Variants in CLSTN2 observed in about 807,000 individuals in gnomAD.
CLSTN2 encodes calsyntenin-2.
CLSTN2 carries 48 observed loss-of-function variants against 101.2 expected under a neutral mutation model. That is an observed-to-expected ratio of 0.47 (90% CI 0.38 to 0.60). The LOEUF (loss-of-function observed/expected upper bound fraction) is 0.60. CLSTN2 is among the 20% of genes least tolerant of loss of function. CLSTN2 has a pLI of 0.00. For synonymous variants in CLSTN2, 481 were observed against 463.6 expected (o/e 1.04, Z -0.48); for missense variants, 1,160 against 1,238.2 (o/e 0.94, Z 0.95).
intron 1 of CLSTN2, among the ~76,000 whole-genome samples, chr3:140,113,035 C>A (rs975701172): frequency 2.0e-5 from 3 of 152,074 alleles, no homozygotes; most frequent in African/African-American, 7.2e-5. Flanking sequence ...TCTGCTGGAG[C>A]CAGTGCCTTC....
intron 1 of CLSTN2, among the ~76,000 whole-genome samples, chr3:140,151,673 G>T (rs2009868977): frequency 1.3e-5 from 2 of 152,054 alleles, no homozygotes; most frequent in South Asian, 4.2e-4. Flanking sequence ...AAGCTTATAA[G>T]CAAATCCTCC....
intron 2 of CLSTN2, among the ~76,000 whole-genome samples, chr3:140,307,617 C>T (rs532292989): frequency 3.9e-5 from 6 of 152,180 alleles, no homozygotes; most frequent in South Asian, 2.1e-4. Flanking sequence ...TTTTTCAGGA[C>T]GTGGCACATA....
Position 140,281,555 on chromosome 3 carries a change from G to A in CLSTN2, c.232+105482G>A, listed in dbSNP as rs2086847775. Among the ~76,000 whole-genome samples, 4 of 152,086 alleles carry A rather than the reference G, an allele frequency of 2.6e-5. No individual in the cohort carries two copies. The South Asian group carries it at 8.3e-4, about 32-fold the overall frequency. Reference sequence around the variant, plus strand: ...AGAGGAAGGGAAAAAAGCCCTTCTAGTTACCTAATTACCTAACTCTGGGAG... The same window carrying A: ...AGAGGAAGGGAAAAAAGCCCTTCTAATTACCTAATTACCTAACTCTGGGAG... On this transcript the variant is annotated intron_variant, in intron 2 of 16. Coordinates refer to ENST00000458420, the MANE Select transcript of CLSTN2 (RefSeq NM_022131.3).
intron 4 of CLSTN2, among the ~76,000 whole-genome samples, chr3:140,410,703 C>A (rs1278648532): frequency 2.0e-5 from 3 of 152,068 alleles, no homozygotes; most frequent in African/African-American, 7.2e-5. Flanking sequence ...ACTTATAATT[C>A]TAAAGGCTAA....
chr3:140,160,848 G>A (rs957984076), intron 1 of CLSTN2, among the ~76,000 whole-genome samples: 2 of 152,112 alleles, frequency 1.3e-5, no homozygotes, highest in African/African-American at 2.4e-5. Flanking sequence ...GGGAGTCCCT[G>A]AGTCCCTTTC....
At chr3:140,438,501 C>G (rs779033363) in intron 5 of CLSTN2, among the ~76,000 whole-genome samples, 17 of 113,072 alleles carry the variant, frequency 1.5e-4, no homozygotes, top group Non-Finnish European at 2.2e-4. Context: ...ATTTATATAA[C>G]TAGAATATGA....
chr3:140,503,078 A>G (rs1328539609), intron 8 of CLSTN2, among the ~76,000 whole-genome samples: 2 of 152,132 alleles, frequency 1.3e-5, no homozygotes, highest in Non-Finnish European at 2.9e-5. Flanking sequence ...CCACTGCATT[A>G]TTCAACCTCT....
chr3:140,405,630 C>A (rs2088294377), intron 4 of CLSTN2, among the ~76,000 whole-genome samples: 1 of 152,184 alleles, frequency 6.6e-6, no homozygotes, highest in Non-Finnish European at 1.5e-5. Context: ...CAATCCCAGA[C>A]TGAACAAGAC....
chr3:140,448,209 CTGTGTGTGTGTGTGTGTG>C (rs55857773), intron 5 of CLSTN2, among the ~76,000 whole-genome samples: 21,331 of 148,336 alleles, frequency 0.14, 1,619 homozygotes, highest in Middle Eastern at 0.26. Context: ...GAGGGTGTGA[CTGTGTGTGTGTGTGTGTG>C]TGTGTGTGTG....
Position 140,571,390 on chromosome 3 carries a change from C to G in CLSTN2, c.*5137C>G, listed in dbSNP as rs1330719166. 6.6e-6 allele frequency: 1 copy of G among 152,000 alleles called. No individual in the cohort carries two copies. Among genetic ancestry groups the G allele is most frequent in the African/African-American group, 2.4e-5 (1 of 41,358 alleles). 9.4% of individuals were successfully genotyped at this position (152,000 alleles called of 1,614,324 possible). Reference sequence around the variant, plus strand: ...TTAATCATCCCCACATTTAAATTAACCAAATAGTTTTTACAAAAAAGTAGG... The same window carrying G: ...TTAATCATCCCCACATTTAAATTAAGCAAATAGTTTTTACAAAAAAGTAGG... On this transcript the variant is annotated 3_prime_UTR_variant, in exon 17 of 17. Coordinates refer to ENST00000458420, the MANE Select transcript of CLSTN2 (RefSeq NM_022131.3).
chr3:140,061,374 G>C (rs2008201361), intron 1 of CLSTN2, among the ~76,000 whole-genome samples: 1 of 152,204 alleles, frequency 6.6e-6, no homozygotes, highest in Non-Finnish European at 1.5e-5. Context: ...AAACAGCCCA[G>C]TACTGCAGTC....
Position 140,532,254 on chromosome 3 carries a change from A to G in CLSTN2, c.1345-70A>G, listed in dbSNP as rs1935269744. 6.9e-6 allele frequency: 9 copies of G among 1,305,280 alleles called. No homozygotes were observed. In the South Asian group the frequency reaches 1.5e-4, roughly 21 times the overall value. The allele number at this position is 1,305,280 out of a possible 1,614,324, so 80.9% of individuals were successfully genotyped here. A position where few individuals can be genotyped will look rare whatever the true frequency, so the allele number is the denominator to read the frequency against. On this transcript the variant is annotated intron_variant, in intron 8 of 16. Coordinates refer to ENST00000458420, the MANE Select transcript of CLSTN2 (RefSeq NM_022131.3). Reference sequence around the variant, plus strand: ...CAAAAATGTGTTGTTCTCCTTTCATAGAGTAAAAGCCTGTTTGATGTTTTA... The same window carrying G: ...CAAAAATGTGTTGTTCTCCTTTCATGGAGTAAAAGCCTGTTTGATGTTTTA...
At chr3:140,312,200 A>G (rs2087175774) in intron 2 of CLSTN2, among the ~76,000 whole-genome samples, 1 of 152,194 alleles carries the variant, frequency 6.6e-6, no homozygotes, top group Non-Finnish European at 1.5e-5. Context: ...CTAACAAGTC[A>G]TTATTTTGAG....
At chr3:140,487,237 G>T (rs1437848857) in intron 8 of CLSTN2, among the ~76,000 whole-genome samples, 2 of 152,206 alleles carry the variant, frequency 1.3e-5, no homozygotes, top group South Asian at 2.1e-4. Context: ...CATGAGTTGG[G>T]TGGGTATCCA....
chr3:140,190,511 T>C (rs946309628), intron 2 of CLSTN2, among the ~76,000 whole-genome samples: 2 of 151,892 alleles, frequency 1.3e-5, no homozygotes, highest in African/African-American at 4.8e-5. Flanking sequence ...ATAGCAACTT[T>C]AGGACAGTTG....
At chr3:140,255,155 T>TG (rs2086594734) in intron 2 of CLSTN2, among the ~76,000 whole-genome samples, 1 of 152,048 alleles carries the variant, frequency 6.6e-6, no homozygotes, top group Non-Finnish European at 1.5e-5. Flanking sequence ...AAATAACAGG[T>TG]GCTAGTGAGA....
chr3:140,379,158 A>G (rs2087952187), intron 2 of CLSTN2, among the ~76,000 whole-genome samples: 1 of 152,234 alleles, frequency 6.6e-6, no homozygotes, highest in Non-Finnish European at 1.5e-5. Context: ...ATGAAGAGGC[A>G]CAGATGAATC....
At chr3:140,549,505 G>A (rs895397384) in intron 10 of CLSTN2, among the ~76,000 whole-genome samples, 1 of 150,562 alleles carries the variant, frequency 6.6e-6, no homozygotes, top group African/African-American at 2.5e-5. Flanking sequence ...TTAATAAGAC[G>A]CCCAATTTAT....
intron 2 of CLSTN2, among the ~76,000 whole-genome samples, chr3:140,277,420 A>G (rs190792945): frequency 6.6e-6 from 1 of 152,302 alleles, no homozygotes; most frequent in South Asian, 2.1e-4. Flanking sequence ...CTCCAGTTGC[A>G]CTGGGCCTGA....
Sources: gnomAD v4.1 joint callset for allele counts (sites outside exome capture counted in the v4.1 genomes callset) on GRCh38, gnomAD v4.1.1 for gene constraint, MANE v1.5 for transcripts, NCBI Gene and HGNC (gene_info 2026-07-23, HGNC 2026-07-21) for gene names.